The following TCF12 variants were observed in gnomAD, a reference collection of about 807,000 sequenced individuals.
TCF12 encodes transcription factor 12.
In TCF12, 45 loss-of-function variants were observed where a neutral mutation model predicts 86.0. The observed-to-expected ratio is 0.52, with a 90% confidence interval of 0.41 to 0.67. The LOEUF is 0.67. Ranked by LOEUF, TCF12 falls within the 30% of genes least tolerant of loss-of-function variation. The pLI is 0.00. For synonymous variants in TCF12, 330 were observed against 299.6 expected, an observed-to-expected ratio of 1.10 and a Z score of -1.05; for missense variants, 881 against 859.9, an observed-to-expected ratio of 1.02 and a Z score of -0.31.
intron 3 of TCF12, among the ~76,000 whole-genome samples, chr15:57,028,296 G>A (rs980270943): frequency 1.6e-4 from 24 of 152,018 alleles, no homozygotes; most frequent in African/African-American, 5.8e-4. Context: ...CCCAGTCTCG[G>A]GTATTTCTTC....
chr15:57,238,872 G>A (rs1457063531), intron 12 of TCF12, among the ~76,000 whole-genome samples: 1 of 152,142 alleles, frequency 6.6e-6, no homozygotes, highest in African/African-American at 2.4e-5. Flanking sequence ...GCAGAGAGAA[G>A]TTCAGACTAT....
intron 8 of TCF12, among the ~76,000 whole-genome samples, chr15:57,204,725 A>G (rs993950329): frequency 2.0e-5 from 3 of 151,756 alleles, no homozygotes; most frequent in Admixed American, 2.0e-4. Context: ...TTCAAAAGAA[A>G]AAAATACTAA....
intron 8 of TCF12, among the ~76,000 whole-genome samples, chr15:57,227,156 C>T (rs540804866): frequency 3.3e-5 from 5 of 152,258 alleles, no homozygotes; most frequent in African/African-American, 1.2e-4. Context: ...TCACACCATG[C>T]TTTAACTTTG....
At position 56,929,907 on chromosome 15, in the gene TCF12, G is replaced by A. The variant is rs946061166; in HGVS notation, c.148+8809G>A. ...TTTCTCTAAATTTGTGGTAATCTAT[G>A]GAAGATCATTCTAGTTGCCAAATGG... On this transcript the variant is annotated intron_variant, in intron 3 of 20. Coordinates refer to ENST00000333725, the MANE Select transcript of TCF12 (RefSeq NM_207037.2). 3.9e-5 allele frequency among the ~76,000 whole-genome samples: 6 copies of A among 152,258 alleles called. No homozygotes were observed. In the East Asian group the frequency reaches 1.2e-3, roughly 29 times the overall value.
chr15:57,143,646 A>G (rs1422964427), intron 5 of TCF12, among the ~76,000 whole-genome samples: 1 of 152,172 alleles, frequency 6.6e-6, no homozygotes, highest in Non-Finnish European at 1.5e-5. Context: ...CAATAGGTTA[A>G]CAAGAGAAAG....
At chr15:57,268,572 T>C (rs2060976214) in intron 18 of TCF12, among the ~76,000 whole-genome samples, 1 of 152,134 alleles carries the variant, frequency 6.6e-6, no homozygotes, top group Admixed American at 6.5e-5. Flanking sequence ...GTTCTTTTAT[T>C]AGAATACTCA....
At chr15:57,135,290 T>C (rs75807126) in intron 5 of TCF12, among the ~76,000 whole-genome samples, 6,315 of 152,286 alleles carry the variant, frequency 0.041, 369 homozygotes, top group African/African-American at 0.13. Flanking sequence ...AGAACTTTTT[T>C]TAAAAGAATC....
At position 57,057,981 on chromosome 15, in the gene TCF12, G is replaced by A. The variant is rs562376990; in HGVS notation, c.149-5769G>A. ...AGATTGGGAGAATACTTGGTTCTCA[G>A]GTACGTTGGGAGGGCCCTTCCTTCT... On this transcript the variant is annotated intron_variant, in intron 3 of 20. Coordinates refer to ENST00000333725, the MANE Select transcript of TCF12 (RefSeq NM_207037.2). 1.5e-3 allele frequency among the ~76,000 whole-genome samples: 236 copies of A among 152,282 alleles called. 1 individual carries two copies. Among genetic ancestry groups the A allele is most frequent in the African/African-American group, 5.4e-3 (226 of 41,554 alleles).
chr15:56,931,446 A>G lies in TCF12; in HGVS notation c.148+10348A>G, dbSNP rs149737659. Among the ~76,000 whole-genome samples the G allele has an allele frequency of 3.6e-3, 555 of 152,274 alleles. 1 individual carries two copies. The highest frequency in any genetic ancestry group is 0.013 in the African/African-American group (534 of 41,558). ...ATTTTGTATATATAAGAAGCATTAT[A>G]TGATCTCTACCATAAGGAAGCCTCA... is the stretch of plus-strand genomic sequence containing the variant. On this transcript the variant is annotated intron_variant, in intron 3 of 20. Transcript: ENST00000333725.
At chr15:56,958,965 T>G (rs1334895338) in intron 3 of TCF12, among the ~76,000 whole-genome samples, 17 of 152,230 alleles carry the variant, frequency 1.1e-4, no homozygotes, top group African/African-American at 3.9e-4. Flanking sequence ...AGTTTCAACC[T>G]CAGTGCCCTT....
chr15:56,980,186 G>A (rs1485326115), intron 3 of TCF12, among the ~76,000 whole-genome samples: 2 of 152,090 alleles, frequency 1.3e-5, no homozygotes, highest in Non-Finnish European at 2.9e-5. Flanking sequence ...TAAAGAGACT[G>A]TCTACCAAAA....
intron 5 of TCF12, among the ~76,000 whole-genome samples, chr15:57,143,149 G>C (rs1338033869): frequency 2.2e-5 from 3 of 136,366 alleles, no homozygotes; most frequent in African/African-American, 5.6e-5. Flanking sequence ...CCTATTACGT[G>C]CCCCCCCCCA....
chr15:57,024,292 G>A (rs1343799025), intron 3 of TCF12, among the ~76,000 whole-genome samples: 12 of 144,048 alleles, frequency 8.3e-5, no homozygotes, highest in East Asian at 6.2e-4. Flanking sequence ...GTGCGATCTC[G>A]GCTCACTGCA....
At chr15:57,034,487 G>A (rs2066385704) in intron 3 of TCF12, among the ~76,000 whole-genome samples, 1 of 152,070 alleles carries the variant, frequency 6.6e-6, no homozygotes, top group East Asian at 1.9e-4. Context: ...GATCATTTAT[G>A]GTTTCATATG....
chr15:57,166,293 GTTCT>G (rs1276227166), intron 5 of TCF12, 105 bp from the exon 6 acceptor site: 42 of 860,890 alleles, frequency 4.9e-5, no homozygotes, highest in Admixed American at 7.7e-5. Context: ...TTTCTAATTT[GTTCT>G]TTCTATTTTA....
rs1190261812 is a variant in TCF12 at position 56,977,235 on chromosome 15, G to GT, written c.148+56144dup. On this transcript the variant is annotated intron_variant, in intron 3 of 20. Transcript: ENST00000333725. ...TGGGGGAAAATTTTTTTGTTTGTTT[G>GT]TTTTTTTAAATAAAAGGCCAGGTGT... Among the ~76,000 whole-genome samples, 16 of 152,058 alleles carry GT rather than the reference G, an allele frequency of 1.1e-4. No homozygotes were observed. The East Asian group carries it at 3.1e-3, about 29-fold the overall frequency.
At chr15:57,170,682 TATATA>T (rs1567558058) in intron 6 of TCF12, among the ~76,000 whole-genome samples, 229 of 13,016 alleles carry the variant, frequency 0.018, 13 homozygotes, top group Non-Finnish European at 0.025. Context: ...TATAATATAT[TATATA>T]TAATATATAT....
intron 3 of TCF12, among the ~76,000 whole-genome samples, chr15:56,921,567 C>A (rs2059795381): frequency 6.6e-6 from 1 of 151,852 alleles, no homozygotes; most frequent in Admixed American, 6.6e-5. Context: ...TTTAAAAACT[C>A]ATAATTTAAA....
At chr15:57,091,227 A>G (rs1412927994) in intron 4 of TCF12, among the ~76,000 whole-genome samples, 1 of 152,022 alleles carries the variant, frequency 6.6e-6, no homozygotes, top group Non-Finnish European at 1.5e-5. Context: ...TTTGTTGAAT[A>G]TTTGCCATTT....
Sources: allele counts gnomAD v4.1 joint callset (sites outside exome capture counted in the v4.1 genomes callset), GRCh38; gene constraint gnomAD v4.1.1; transcripts MANE v1.5; gene names NCBI Gene and HGNC (gene_info 2026-07-23, HGNC 2026-07-21).